EFCAB3: variants seen among roughly 807,000 people sequenced by gnomAD.
EFCAB3 encodes EF-hand calcium-binding domain-containing protein 3.
EFCAB3 carries 36 observed loss-of-function variants against 42.2 expected under a neutral mutation model. That is an observed-to-expected ratio of 0.85 (90% CI 0.65 to 1.13). The LOEUF is 1.13. EFCAB3 is among the 50% of genes most tolerant of loss of function. EFCAB3 has a pLI of 0.00. For synonymous variants in EFCAB3, 170 were observed against 172.8 expected (o/e 0.98, Z 0.13); for missense variants, 418 against 505.1 (o/e 0.83, Z 1.65).
At chr17:62,388,171 A>C (rs182366171) in intron 3 of EFCAB3, among the ~76,000 whole-genome samples, 73 of 152,276 alleles carry the variant, frequency 4.8e-4, no homozygotes, top group African/African-American at 1.6e-3. Flanking sequence ...AGATCGCGCC[A>C]CTGCACACCA....
At chr17:62,408,809 T>C (rs2144110368) in intron 8 of EFCAB3, among the ~76,000 whole-genome samples, 1 of 152,336 alleles carries the variant, frequency 6.6e-6, no homozygotes, top group East Asian at 1.9e-4. Flanking sequence ...CTCTTTACTC[T>C]TCCTCTTACA....
chr17:62,408,238 G>C (rs1056451507), intron 8 of EFCAB3, among the ~76,000 whole-genome samples: 4 of 152,140 alleles, frequency 2.6e-5, no homozygotes, highest in Non-Finnish European at 2.9e-5. Context: ...AGGTAACTCA[G>C]TATTTTTTGG....
chr17:62,413,629 T>C, intron 8 of EFCAB3, 103 bp from the exon 9 acceptor site: 5 of 1,058,104 alleles, frequency 4.7e-6, no homozygotes, highest in Non-Finnish European at 6.5e-6. Flanking sequence ...ATAAATTATA[T>C]ACAAATCCTT....
At chr17:62,382,933 G>A in intron 1 of EFCAB3, 30 bp from the exon 2 acceptor site, 7 of 1,581,642 alleles carry the variant, frequency 4.4e-6, no homozygotes, top group Non-Finnish European at 6.0e-6. Context: ...TCTGTAAACT[G>A]ATTTCTTAAT....
At position 62,416,453 on chromosome 17, in the gene EFCAB3, G is replaced by A. The variant is rs1230714140; in HGVS notation, c.*124G>A. The A allele has an allele frequency of 7.4e-6, 6 of 807,520 alleles. No individual in the cohort carries two copies. The Admixed American group carries it at 1.6e-4, about 21-fold the overall frequency. The allele number at this position is 807,520 out of a possible 1,614,324, so 50.0% of individuals were successfully genotyped here. On this transcript the variant is annotated 3_prime_UTR_variant, in exon 10 of 10. Transcript: ENST00000305286. ...GAAATTTTGACATCTTTTGGATTCT[G>A]ACCAGTAAAAAAGTTTAAGTCATAA...
intron 8 of EFCAB3, among the ~76,000 whole-genome samples, chr17:62,410,472 G>T (rs1380217391): frequency 6.6e-6 from 1 of 152,070 alleles, no homozygotes; most frequent in Non-Finnish European, 1.5e-5. Flanking sequence ...TATTGGATAG[G>T]GCTGGGTATG....
Position 62,407,028 on chromosome 17 carries a change from G to T in EFCAB3, c.683G>T (p.Arg228Ile). The change falls in exon 8 of 10, where the codon AGA becomes ATA. Residue 228 changes from arginine to isoleucine, a missense_variant and splice_region_variant. Transcript: ENST00000305286. ...DLFKFLEELKRCNSGSDSPYS... is the reference protein window; with the variant it reads ...DLFKFLEELKICNSGSDSPYS... ...ACCATTTTTGTTTTTATCTTTTTAGGATGCAATTCCGGTTCAGATAGCCCA... is the reference window on the plus strand; with the variant it reads ...ACCATTTTTGTTTTTATCTTTTTAGTATGCAATTCCGGTTCAGATAGCCCA... 1 of 1,569,860 alleles carries T rather than the reference G, an allele frequency of 6.4e-7. No homozygotes were observed. The highest frequency in any genetic ancestry group is 1.7e-4 in the Middle Eastern group (1 of 5,818).
rs758835605 is a variant in EFCAB3 at position 62,395,207 on chromosome 17, A to G, written c.488+19A>G. Reference sequence around the variant, plus strand: ...TAGTAAGGTAAGTGAGAAGGAAAGGAGCAAAAACAGCCTTCTCAGAAGCAT... The same window carrying G: ...TAGTAAGGTAAGTGAGAAGGAAAGGGGCAAAAACAGCCTTCTCAGAAGCAT... On this transcript the variant is annotated intron_variant, in intron 6 of 9. Coordinates refer to ENST00000305286, the MANE Select transcript of EFCAB3 (RefSeq NM_173503.4). 1 of 1,609,512 alleles carries G rather than the reference A, an allele frequency of 6.2e-7. No homozygotes were observed. Among genetic ancestry groups the G allele is most frequent in the East Asian group, 2.2e-5 (1 of 44,870 alleles).
chr17:62,394,841 A>G (rs1050027307), intron 5 of EFCAB3, among the ~76,000 whole-genome samples: 5 of 152,182 alleles, frequency 3.3e-5, no homozygotes, highest in African/African-American at 9.7e-5. Context: ...AAATATTACT[A>G]TGTTTTCTTA....
intron 6 of EFCAB3, chr17:62,398,225 AG>A (rs1301845517): frequency 6.0e-6 from 1 of 165,782 alleles, no homozygotes; most frequent in African/African-American, 2.7e-5. Flanking sequence ...AGGCCAAGGC[AG>A]GTGGATTCCT....
chr17:62,380,674 T>A, intron 1 of EFCAB3, 61 bp downstream of exon 1: 1 of 839,858 alleles, frequency 1.2e-6, no homozygotes, highest in Non-Finnish European at 1.4e-6. Flanking sequence ...CTATTATCTA[T>A]GAGAATTGAA....
chr17:62,409,683 A>G (rs544554910), intron 8 of EFCAB3, among the ~76,000 whole-genome samples: 1 of 150,910 alleles, frequency 6.6e-6, no homozygotes, highest in South Asian at 2.1e-4. Flanking sequence ...GTTACCATCT[A>G]TTACATATTT....
chr17:62,381,333 A>G (rs1555571135), intron 1 of EFCAB3, among the ~76,000 whole-genome samples: 3 of 151,768 alleles, frequency 2.0e-5, no homozygotes, highest in Non-Finnish European at 2.9e-5. Context: ...TGAACTCATC[A>G]TTTTTTATGG....
In EFCAB3 at chr17:62,407,124, A is replaced by C. The variant is rs2070455456; in HGVS notation, c.779A>C (p.Asp260Ala). ...DGVVMGKPFK[D>A]MQKLEMLRIK... Reference sequence around the variant, plus strand: ...GTGGTGATGGGAAAGCCATTCAAAGACATGCAGAAATTAGAGATGCTAAGA... The same window carrying C: ...GTGGTGATGGGAAAGCCATTCAAAGCCATGCAGAAATTAGAGATGCTAAGA... Residue 260 changes from aspartate (D) to alanine (A), a missense_variant, in exon 8 of 10, where the codon GAC becomes GCC. Transcript: ENST00000305286. 1.9e-6 allele frequency: 3 copies of C among 1,613,278 alleles called. 1 individual carries two copies. The highest frequency in any genetic ancestry group is 2.7e-5 in the African/African-American group (2 of 74,892).
intron 1 of EFCAB3, among the ~76,000 whole-genome samples, chr17:62,371,931 A>T (rs17545743): frequency 0.16 from 24,177 of 152,188 alleles, 2,119 homozygotes; most frequent in Middle Eastern, 0.2. Context: ...TGCTTCAGTG[A>T]TGTTGTCAGA....
At chr17:62,397,653 C>T in intron 6 of EFCAB3, 1 of 597,074 alleles carries the variant, frequency 1.7e-6, no homozygotes, top group Non-Finnish European at 3.3e-6. Context: ...AAGAAAATCA[C>T]AGCCTTTGTA....
chr17:62,395,846 T>C (rs2070344431), intron 6 of EFCAB3, among the ~76,000 whole-genome samples: 1 of 152,210 alleles, frequency 6.6e-6, no homozygotes, highest in Non-Finnish European at 1.5e-5. Flanking sequence ...TTTCAATTCA[T>C]ACTCCTTCAA....
intron 6 of EFCAB3, among the ~76,000 whole-genome samples, chr17:62,400,154 G>A (rs887379565): frequency 6.6e-6 from 1 of 152,142 alleles, no homozygotes; most frequent in Non-Finnish European, 1.5e-5. Flanking sequence ...GCATCTCCAT[G>A]TGTAAGCCCC....
At chr17:62,403,621 T>C (rs1458526181) in intron 6 of EFCAB3, among the ~76,000 whole-genome samples, 1 of 152,212 alleles carries the variant, frequency 6.6e-6, no homozygotes, top group African/African-American at 2.4e-5. Flanking sequence ...TATCCTTTGC[T>C]TAACCTCCAG....
Sources: allele counts gnomAD v4.1 joint callset (sites outside exome capture counted in the v4.1 genomes callset), GRCh38; gene constraint gnomAD v4.1.1; transcripts MANE v1.5; gene names NCBI Gene and HGNC (gene_info 2026-07-23, HGNC 2026-07-21).